The following LIN28B variants were observed in gnomAD, a reference collection of about 807,000 sequenced individuals.
LIN28B encodes lin-28 RNA binding posttranscriptional regulator B.
Under a neutral mutation model 21.9 loss-of-function variants are expected in LIN28B, and 5 were observed. That is an observed-to-expected ratio of 0.23 (90% CI 0.12 to 0.48). The LOEUF (loss-of-function observed/expected upper bound fraction) is 0.48, where lower values mean the gene tolerates loss of function less well. Ranked by LOEUF, LIN28B falls within the 20% of genes least tolerant of loss-of-function variation. The pLI, the probability that LIN28B is intolerant of heterozygous loss-of-function variation, is 0.98. For synonymous variants in LIN28B, 109 were observed against 111.3 expected (o/e 0.98, Z 0.13); for missense variants, 245 against 310.5 (o/e 0.79, Z 1.58).
chr6:105,025,339 T>C (rs2114338878), intron 2 of LIN28B, among the ~76,000 whole-genome samples: 1 of 152,328 alleles, frequency 6.6e-6, no homozygotes, highest in East Asian at 1.9e-4. Flanking sequence ...ATTTTTAGTA[T>C]ATTTTGAACT....
At chr6:105,051,347 G>A (rs1011060179) in intron 3 of LIN28B, among the ~76,000 whole-genome samples, 8 of 151,296 alleles carry the variant, frequency 5.3e-5, no homozygotes, top group African/African-American at 2.0e-4. Context: ...GGTAAGGCAG[G>A]AGAGTCACTT....
intron 2 of LIN28B, among the ~76,000 whole-genome samples, chr6:104,992,759 C>T (rs568864264): frequency 1.3e-5 from 2 of 152,206 alleles, no homozygotes; most frequent in African/African-American, 4.8e-5. Context: ...GTCCTCCTAC[C>T]TTGGCCTCCC....
intron 2 of LIN28B, among the ~76,000 whole-genome samples, chr6:105,009,581 T>C (rs185478705): frequency 1.3e-5 from 2 of 152,298 alleles, no homozygotes; most frequent in Admixed American, 1.3e-4. Context: ...TAGACACACT[T>C]TTGTTGATTC....
chr6:105,071,276 G>A (rs1238989608), intron 3 of LIN28B, among the ~76,000 whole-genome samples: 5 of 152,082 alleles, frequency 3.3e-5, no homozygotes, highest in African/African-American at 9.7e-5. Context: ...GTATTATGCC[G>A]TGGTTTGCTT....
intron 2 of LIN28B, among the ~76,000 whole-genome samples, chr6:105,015,999 A>T (rs1771018704): frequency 6.6e-6 from 1 of 152,156 alleles, no homozygotes; most frequent in Non-Finnish European, 1.5e-5. Flanking sequence ...AAAATCAGAG[A>T]TATTTTTATA....
chr6:105,020,492 A>AT (rs991381674), intron 2 of LIN28B, among the ~76,000 whole-genome samples: 7 of 150,994 alleles, frequency 4.6e-5, no homozygotes, highest in Non-Finnish European at 8.9e-5. Context: ...AATTTTTTGT[A>AT]TTTTTTTGTA....
intron 2 of LIN28B, among the ~76,000 whole-genome samples, chr6:105,025,319 T>G (rs1771265810): frequency 6.6e-6 from 1 of 152,182 alleles, no homozygotes; most frequent in Non-Finnish European, 1.5e-5. Context: ...ATAAAACTAC[T>G]GATTGAATTA....
chr6:105,040,067 CAG>C (rs962853332), intron 3 of LIN28B, among the ~76,000 whole-genome samples: 83 of 152,204 alleles, frequency 5.5e-4, no homozygotes, highest in African/African-American at 1.7e-3. Context: ...CTCGTTTACT[CAG>C]AGTTTTTACT....
chr6:105,022,120 A>G (rs1229184570), intron 2 of LIN28B, among the ~76,000 whole-genome samples: 1 of 152,130 alleles, frequency 6.6e-6, no homozygotes, highest in Non-Finnish European at 1.5e-5. Context: ...GATTTTTGAG[A>G]CAAGGGACTT....
intron 3 of LIN28B, among the ~76,000 whole-genome samples, chr6:105,041,094 T>C (rs537314406): frequency 6.6e-6 from 1 of 151,148 alleles, no homozygotes; most frequent in African/African-American, 2.4e-5. Flanking sequence ...TTTTTTTTAG[T>C]AGAGACAGGG....
At chr6:104,990,610 G>T (rs2114267164) in intron 2 of LIN28B, among the ~76,000 whole-genome samples, 1 of 149,974 alleles carries the variant, frequency 6.7e-6, no homozygotes, top group African/African-American at 2.5e-5. Context: ...GTTTCTCGCA[G>T]AGGGGGATTT....
intron 2 of LIN28B, among the ~76,000 whole-genome samples, chr6:104,975,514 T>G (rs1582873867): frequency 6.6e-6 from 1 of 152,214 alleles, no homozygotes. Context: ...CTACCAAGCC[T>G]TCTGTTCTGC....
At chr6:105,034,523 ATAG>A (rs1187010786) in intron 3 of LIN28B, among the ~76,000 whole-genome samples, 6 of 152,034 alleles carry the variant, frequency 3.9e-5, no homozygotes, top group Admixed American at 2.0e-4. Context: ...TAGTTTGATC[ATAG>A]TAGAAGAATT....
chr6:104,951,140 A>T (rs1287056012), intron 3 of LIN28B, among the ~76,000 whole-genome samples: 2 of 152,168 alleles, frequency 1.3e-5, no homozygotes, highest in African/African-American at 4.8e-5. Context: ...AAATTAACTT[A>T]AAAGTTATAG....
intron 2 of LIN28B, among the ~76,000 whole-genome samples, chr6:104,983,135 A>T (rs1251179319): frequency 6.6e-6 from 1 of 152,218 alleles, no homozygotes; most frequent in Non-Finnish European, 1.5e-5. Context: ...TTACAAAGCC[A>T]GAGACATAAA....
At chr6:105,008,723 T>C (rs936272769) in intron 2 of LIN28B, among the ~76,000 whole-genome samples, 3 of 152,178 alleles carry the variant, frequency 2.0e-5, no homozygotes, top group East Asian at 3.8e-4. Flanking sequence ...ATTTTTCTTA[T>C]TTTGTGTATT....
intron 3 of LIN28B, among the ~76,000 whole-genome samples, chr6:105,029,590 T>A (rs1315307593): frequency 1.3e-5 from 2 of 152,146 alleles, no homozygotes; most frequent in East Asian, 3.9e-4. Flanking sequence ...AAGAGTAGGT[T>A]TGGAAATTTA....
intron 2 of LIN28B, among the ~76,000 whole-genome samples, chr6:104,986,478 T>C (rs969730769): frequency 1.3e-5 from 2 of 151,936 alleles, no homozygotes; most frequent in Non-Finnish European, 2.9e-5. Context: ...TATTGTCTCT[T>C]TATTTTAGGT....
intron 2 of LIN28B, among the ~76,000 whole-genome samples, chr6:104,991,458 G>A (rs1189632937): frequency 6.6e-5 from 10 of 151,648 alleles, no homozygotes; most frequent in Admixed American, 4.6e-4. Context: ...GACGATGGGC[G>A]GCTGGGCAGA....
Sources: gnomAD v4.1 joint callset for allele counts (sites outside exome capture counted in the v4.1 genomes callset) on GRCh38, gnomAD v4.1.1 for gene constraint, MANE v1.5 for transcripts, NCBI Gene and HGNC (gene_info 2026-07-23, HGNC 2026-07-21) for gene names.